Variants in H1-4 observed in about 807,000 individuals in gnomAD.
H1-4 encodes the protein histone H1.4.
In H1-4, 9 loss-of-function variants were observed where a neutral mutation model predicts 7.2. That is an observed-to-expected ratio of 1.25 (90% CI 0.75 to 2.18). H1-4 has a LOEUF of 2.18. H1-4 is among the 30% of genes most tolerant of loss of function. H1-4 has a pLI of 0.00. For synonymous variants in H1-4, 318 were observed against 126.6 expected (o/e 2.51, Z -10.15); for missense variants, 646 against 287.9 (o/e 2.24, Z -9.00).
chr6:26,156,346 C>T lies in H1-4; in HGVS notation c.-45C>T, dbSNP rs751273848. The stretch of plus-strand genomic sequence containing the variant: ...CCGCGGCTCGAGTCCCGGCCAGTGC[C>T]TCTGCTTCCGGCTCGAATTGCTCTC... On this transcript the variant is annotated 5_prime_UTR_variant, in exon 1 of 1. Coordinates refer to ENST00000304218, the MANE Select transcript of H1-4 (RefSeq NM_005321.3). 5.5e-5 allele frequency: 83 copies of T among 1,504,322 alleles called. No homozygotes were observed. Among genetic ancestry groups the T allele is most frequent in the Non-Finnish European group, 6.9e-5 (78 of 1,128,636 alleles). The allele number at this position is 1,504,322 out of a possible 1,614,324, so 93.2% of individuals were successfully genotyped here. A position where few individuals can be genotyped will look rare whatever the true frequency, so the allele number is the denominator to read the frequency against.
Position 26,156,796 on chromosome 6 carries a change from A to G in H1-4, c.406A>G (p.Lys136Glu), listed in dbSNP as rs755564059. ...AKAKKPAGAA[K>E]KPKKATGAAT... ...GGCCAAGAAGCCAGCAGGAGCGGCG[A>G]AGAAGCCCAAGAAGGCGACGGGGGC... The change falls in exon 1 of 1, where the codon AAG (lysine) becomes GAG (glutamate). Residue 136 changes from lysine to glutamate, a missense_variant. Transcript: ENST00000304218. 1.2e-6 allele frequency: 2 copies of G among 1,610,510 alleles called. No individual in the cohort carries two copies. Among genetic ancestry groups the G allele is most frequent in the Non-Finnish European group, 1.7e-6 (2 of 1,178,346 alleles).
In H1-4 at chr6:26,156,427, GC is replaced by G; in HGVS notation, c.41del (p.Pro14LeufsTer7). The part of the protein sequence containing the change: ...ETAPAAPAAP[A>X]PAEKTPVKKK... ...TGCGCCTGCCGCGCCCGCTGCTCCGGCCCCTGCCGAGAAGACTCCCGTGAAG... is the reference window on the plus strand; with the variant it reads ...TGCGCCTGCCGCGCCCGCTGCTCCGGCCCTGCCGAGAAGACTCCCGTGAAG... On this transcript the variant is annotated frameshift_variant, in exon 1 of 1. Transcript: ENST00000304218. LOFTEE classifies it high-confidence loss of function. 1 of 1,602,170 alleles carries G rather than the reference GC, an allele frequency of 6.2e-7. No homozygotes were observed.
chr6:26,157,069 T>A lies in H1-4; in HGVS notation c.*19T>A. 1 of 1,574,152 alleles carries A rather than the reference T, an allele frequency of 6.4e-7. No homozygotes were observed. Among genetic ancestry groups the A allele is most frequent in the Non-Finnish European group, 8.6e-7 (1 of 1,169,310 alleles). The stretch of plus-strand genomic sequence containing the variant: ...AAAGTAGAAAGTTCCTTTGGCCAAC[T>A]GCTTAGAAGCCCAACACAACCCAAA... On this transcript the variant is annotated 3_prime_UTR_variant, in exon 1 of 1. Transcript: ENST00000304218.
chr6:26,156,726 C>A lies in H1-4; in HGVS notation c.336C>A (p.Ala112=). The change falls in exon 1 of 1, where the codon GCC becomes GCA. Residue 112 remains alanine (A), a synonymous_variant. Coordinates refer to ENST00000304218, the MANE Select transcript of H1-4 (RefSeq NM_005321.3). The part of the protein sequence containing the change: ...SGSFKLNKKA[A]SGEAKPKAKK... The stretch of plus-strand genomic sequence containing the variant: ...CCTTCAAACTCAACAAGAAGGCGGC[C>A]TCTGGGGAAGCCAAGCCTAAGGCTA... The A allele has an allele frequency of 1.2e-6, 2 of 1,614,120 alleles. No individual in the cohort carries two copies. The highest frequency in any genetic ancestry group is 2.2e-5 in the East Asian group (1 of 44,870).
In H1-4 at chr6:26,156,713, A is replaced by G; in HGVS notation, c.323A>G (p.Asn108Ser). The change falls in exon 1 of 1, where the codon AAC (asparagine) becomes AGC (serine). Residue 108 changes from asparagine (N) to serine (S), a missense_variant. Transcript: ENST00000304218. Reference sequence around the variant, plus strand: ...GGCGCGTCGGGTTCCTTCAAACTCAACAAGAAGGCGGCCTCTGGGGAAGCC... The same window carrying G: ...GGCGCGTCGGGTTCCTTCAAACTCAGCAAGAAGGCGGCCTCTGGGGAAGCC... ...GTGASGSFKL[N>S]KKAASGEAKP... 14 of 1,614,146 alleles carry G rather than the reference A, an allele frequency of 8.7e-6. No individual in the cohort carries two copies. The highest frequency in any genetic ancestry group is 1.2e-5 in the Non-Finnish European group (14 of 1,180,018).
Position 26,156,943 on chromosome 6 carries a change from C to G in H1-4, c.553C>G (p.Pro185Ala). Residue 185 changes from proline to alanine, a missense_variant, in exon 1 of 1, where the codon CCC becomes GCC. By Grantham distance (27) the Pro-to-Ala change is conservative. Coordinates refer to ENST00000304218, the MANE Select transcript of H1-4 (RefSeq NM_005321.3). ...KAKAAKPKKA[P>A]KSPAKAKAVK... ...GAAAGCAGCCAAGCCAAAAAAGGCG[C>G]CCAAGAGCCCAGCGAAGGCCAAAGC... The G allele has an allele frequency of 6.2e-7, 1 of 1,612,444 alleles. No homozygotes were observed. The highest frequency in any genetic ancestry group is 8.5e-7 in the Non-Finnish European group (1 of 1,179,864).
rs1226896448 is a variant in H1-4 at position 26,156,570 on chromosome 6, C to G, written c.180C>G (p.Ala60=). 2 of 1,614,152 alleles carry G rather than the reference C, an allele frequency of 1.2e-6. No homozygotes were observed. The highest frequency in any genetic ancestry group is 3.3e-5 in the Admixed American group (2 of 60,028). ...ASKERSGVSL[A]ALKKALAAAG... ...AGGAGCGCAGCGGCGTATCTTTGGC[C>G]GCTCTCAAGAAAGCGCTGGCAGCCG... The change falls in exon 1 of 1, where the codon GCC becomes GCG. Residue 60 remains alanine (A), a synonymous_variant. Transcript: ENST00000304218.
rs754078818 is a variant in H1-4 at position 26,156,927 on chromosome 6, C to G, written c.537C>G (p.Ala179=). 7 of 1,592,036 alleles carry G rather than the reference C, an allele frequency of 4.4e-6. No individual in the cohort carries two copies. Among genetic ancestry groups the G allele is most frequent in the South Asian group, 1.1e-5 (1 of 88,982 alleles). The change falls in exon 1 of 1, where the codon GCC becomes GCG. Residue 179 remains alanine (A), a synonymous_variant. Transcript: ENST00000304218. ...AAAGCCCGAAAAAGGCGAAAGCAGC[C>G]AAGCCAAAAAAGGCGCCCAAGAGCC... ...KAKSPKKAKA[A]KPKKAPKSPA... is the part of the protein sequence containing the mutation.
In H1-4 at chr6:26,156,936, A is replaced by C; in HGVS notation, c.546A>C (p.Lys182Asn). The change falls in exon 1 of 1, where the codon AAA becomes AAC. Residue 182 changes from lysine (K) to asparagine (N), a missense_variant. Transcript: ENST00000304218. Reference sequence around the variant, plus strand: ...AAAAGGCGAAAGCAGCCAAGCCAAAAAAGGCGCCCAAGAGCCCAGCGAAGG... The same window carrying C: ...AAAAGGCGAAAGCAGCCAAGCCAAACAAGGCGCCCAAGAGCCCAGCGAAGG... Reference protein sequence around the residue: ...SPKKAKAAKPKKAPKSPAKAK... With the variant: ...SPKKAKAAKPNKAPKSPAKAK... 6.2e-7 allele frequency: 1 copy of C among 1,612,362 alleles called. No individual in the cohort carries two copies. The highest frequency in any genetic ancestry group is 8.5e-7 in the Non-Finnish European group (1 of 1,179,830).
In H1-4 at chr6:26,157,009, A is replaced by C. The variant is rs1166868309; in HGVS notation, c.619A>C (p.Lys207Gln). Residue 207 changes from lysine (K) to glutamine (Q), a missense_variant, in exon 1 of 1, where the codon AAG becomes CAG. Physicochemically the swap from Lys to Gln is moderately conservative, Grantham distance 53 (BLOSUM62 1). Transcript: ENST00000304218. The stretch of plus-strand genomic sequence containing the variant: ...GGCTAAACCAAAGACCGCCAAGCCC[A>C]AGGCAGCCAAGCCAAAGAAGGCGGC... The part of the protein sequence containing the change: ...KAAKPKTAKP[K>Q]AAKPKKAAAK... The C allele has an allele frequency of 6.3e-7, 1 of 1,590,730 alleles. No individual in the cohort carries two copies. Among genetic ancestry groups the C allele is most frequent in the Non-Finnish European group, 8.5e-7 (1 of 1,174,340 alleles).
rs1279974504 is a variant in H1-4 at position 26,156,985 on chromosome 6, G to T, written c.595G>T (p.Ala199Ser). Residue 199 changes from alanine (A) to serine (S), a missense_variant, in exon 1 of 1, where the codon GCT becomes TCT. Ala to Ser is a moderately conservative substitution (Grantham distance 99, BLOSUM62 1). Coordinates refer to ENST00000304218, the MANE Select transcript of H1-4 (RefSeq NM_005321.3). ...AKAKAVKPKA[A>S]KPKTAKPKAA... ...GGCCAAAGCAGTTAAACCCAAGGCG[G>T]CTAAACCAAAGACCGCCAAGCCCAA... is the stretch of plus-strand genomic sequence containing the variant. 1 of 1,607,392 alleles carries T rather than the reference G, an allele frequency of 6.2e-7. No homozygotes were observed. Among genetic ancestry groups the T allele is most frequent in the South Asian group, 1.1e-5 (1 of 90,196 alleles).
In H1-4 at chr6:26,156,582, A is replaced by G. The variant is rs760978374; in HGVS notation, c.192A>G (p.Lys64=). The stretch of plus-strand genomic sequence containing the variant: ...GCGTATCTTTGGCCGCTCTCAAGAA[A>G]GCGCTGGCAGCCGCTGGCTATGACG... ...RSGVSLAALK[K]ALAAAGYDVE... is the part of the protein sequence containing the mutation. The change falls in exon 1 of 1, where the codon AAA becomes AAG. Residue 64 remains lysine, a synonymous_variant. Coordinates refer to ENST00000304218, the MANE Select transcript of H1-4 (RefSeq NM_005321.3). The G allele has an allele frequency of 1.1e-5, 17 of 1,614,070 alleles. No homozygotes were observed. The highest frequency in any genetic ancestry group is 1.4e-5 in the Non-Finnish European group (16 of 1,180,042).
At position 26,156,824 on chromosome 6, in the gene H1-4, CCACCCCCAAGAAGAGCGCCAAGAA is replaced by C; in HGVS notation, c.435_458del (p.Ser150_Lys157del). ...AAGCCCAAGAAGGCGACGGGGGCGG[CCACCCCCAAGAAGAGCGCCAAGAA>C]GACCCCAAAGAAGGCGAAGAAGCCG... On this transcript the variant is annotated inframe_deletion, in exon 1 of 1. Coordinates refer to ENST00000304218, the MANE Select transcript of H1-4 (RefSeq NM_005321.3). The C allele has an allele frequency of 1.2e-6, 2 of 1,606,718 alleles. No individual in the cohort carries two copies. Among genetic ancestry groups the C allele is most frequent in the Non-Finnish European group, 1.7e-6 (2 of 1,176,738 alleles).
At position 26,156,601 on chromosome 6, in the gene H1-4, T is replaced by G. The variant is rs541347553; in HGVS notation, c.211T>G (p.Tyr71Asp). The change falls in exon 1 of 1, where the codon TAT becomes GAT. Residue 71 changes from tyrosine (Y) to aspartate (D), a missense_variant. Tyr to Asp is a radical substitution (Grantham distance 160). Coordinates refer to ENST00000304218, the MANE Select transcript of H1-4 (RefSeq NM_005321.3). Reference sequence around the variant, plus strand: ...CAAGAAAGCGCTGGCAGCCGCTGGCTATGACGTGGAGAAGAACAACAGCCG... The same window carrying G: ...CAAGAAAGCGCTGGCAGCCGCTGGCGATGACGTGGAGAAGAACAACAGCCG... ...ALKKALAAAG[Y>D]DVEKNNSRIK... 1 of 1,614,166 alleles carries G rather than the reference T, an allele frequency of 6.2e-7. No individual in the cohort carries two copies. The highest frequency in any genetic ancestry group is 1.1e-5 in the South Asian group (1 of 91,092).
rs376979971 is a variant in H1-4, at chr6:26,156,678, C to A, written c.288C>A (p.Thr96=). Residue 96 remains threonine, a synonymous_variant, in exon 1 of 1, where the codon ACC becomes ACA. Coordinates refer to ENST00000304218, the MANE Select transcript of H1-4 (RefSeq NM_005321.3). The part of the protein sequence containing the change: ...SLVSKGTLVQ[T]KGTGASGSFK... Reference sequence around the variant, plus strand: ...TGAGCAAGGGCACCCTGGTGCAGACCAAGGGCACCGGCGCGTCGGGTTCCT... The same window carrying A: ...TGAGCAAGGGCACCCTGGTGCAGACAAAGGGCACCGGCGCGTCGGGTTCCT... The A allele has an allele frequency of 6.2e-7, 1 of 1,614,076 alleles. No individual in the cohort carries two copies. Among genetic ancestry groups the A allele is most frequent in the Admixed American group, 1.7e-5 (1 of 60,008 alleles).
At position 26,156,773 on chromosome 6, in the gene H1-4, C is replaced by T. The variant is rs768731472; in HGVS notation, c.383C>T (p.Ala128Val). The change falls in exon 1 of 1, where the codon GCC (alanine) becomes GTC (valine). Residue 128 changes from alanine (A) to valine (V), a missense_variant. Ala to Val is a moderately conservative substitution (Grantham distance 64). Coordinates refer to ENST00000304218, the MANE Select transcript of H1-4 (RefSeq NM_005321.3). ...GCTAAAAAGGCAGGCGCGGCCAAGG[C>T]CAAGAAGCCAGCAGGAGCGGCGAAG... is the stretch of plus-strand genomic sequence containing the variant. Reference protein sequence around the residue: ...PKAKKAGAAKAKKPAGAAKKP... With the variant: ...PKAKKAGAAKVKKPAGAAKKP... The T allele has an allele frequency of 6.2e-6, 10 of 1,612,942 alleles. No homozygotes were observed. The highest frequency in any genetic ancestry group is 2.2e-5 in the South Asian group (2 of 91,052).
chr6:26,156,748 G>C lies in H1-4; in HGVS notation c.358G>C (p.Ala120Pro), dbSNP rs777376445. The C allele has an allele frequency of 5.0e-6, 8 of 1,613,948 alleles. No individual in the cohort carries two copies. The East Asian group carries it at 1.1e-4, about 22-fold the overall frequency. The change falls in exon 1 of 1, where the codon GCT (alanine) becomes CCT (proline). Residue 120 changes from alanine (A) to proline (P), a missense_variant. Coordinates refer to ENST00000304218, the MANE Select transcript of H1-4 (RefSeq NM_005321.3). ...KAASGEAKPKAKKAGAAKAKK... is the reference protein window; with the variant it reads ...KAASGEAKPKPKKAGAAKAKK... Reference sequence around the variant, plus strand: ...GGCCTCTGGGGAAGCCAAGCCTAAGGCTAAAAAGGCAGGCGCGGCCAAGGC... The same window carrying C: ...GGCCTCTGGGGAAGCCAAGCCTAAGCCTAAAAAGGCAGGCGCGGCCAAGGC...
chr6:26,156,491 A>C lies in H1-4; in HGVS notation c.101A>C (p.Lys34Thr), dbSNP rs765638416. The change falls in exon 1 of 1, where the codon AAA (lysine) becomes ACA (threonine). Residue 34 changes from lysine to threonine, a missense_variant. Lys to Thr is a moderately conservative substitution (Grantham distance 78, BLOSUM62 -1). Coordinates refer to ENST00000304218, the MANE Select transcript of H1-4 (RefSeq NM_005321.3). ...AAGTCTGCAGGTGCGGCCAAGCGCA[A>C]AGCGTCTGGGCCCCCGGTGTCCGAG... is the stretch of plus-strand genomic sequence containing the variant. ...ARKSAGAAKR[K>T]ASGPPVSELI... The C allele has an allele frequency of 6.2e-7, 1 of 1,613,544 alleles. No homozygotes were observed. Among genetic ancestry groups the C allele is most frequent in the Non-Finnish European group, 8.5e-7 (1 of 1,179,958 alleles).
At position 26,156,357 on chromosome 6, in the gene H1-4, G is replaced by A. The variant is rs780964648; in HGVS notation, c.-34G>A. ...GTCCCGGCCAGTGCCTCTGCTTCCG[G>A]CTCGAATTGCTCTCGCTCACGCTTG... On this transcript the variant is annotated 5_prime_UTR_variant, in exon 1 of 1. Transcript: ENST00000304218. The A allele has an allele frequency of 7.3e-6, 11 of 1,516,584 alleles. No homozygotes were observed. The highest frequency in any genetic ancestry group is 2.3e-5 in the East Asian group (1 of 44,072). 93.9% of individuals were successfully genotyped at this position (1,516,584 alleles called of 1,614,324 possible). A position where few individuals can be genotyped will look rare whatever the true frequency, so the allele number is the denominator to read the frequency against.
Sources: allele counts gnomAD v4.1 joint callset, GRCh38; gene constraint gnomAD v4.1.1; transcripts MANE v1.5; gene names NCBI Gene and HGNC (gene_info 2026-07-23, HGNC 2026-07-21).